Variants in SLC9A4 observed in about 807,000 individuals in gnomAD.
SLC9A4 encodes solute carrier family 9 member A4.
In SLC9A4, 63 loss-of-function variants were observed where a neutral mutation model predicts 67.4. The observed-to-expected ratio is 0.93, with a 90% CI of 0.76 to 1.15. The LOEUF is 1.15. SLC9A4 is among the 50% of genes most tolerant of loss of function. SLC9A4 has a pLI of 0.00. For synonymous variants in SLC9A4, 393 were observed against 367.2 expected (o/e 1.07, Z -0.80); for missense variants, 1,089 against 987.7 (o/e 1.10, Z -1.38).
At chr2:102,482,831 A>G (rs1684494139) in intron 2 of SLC9A4, among the ~76,000 whole-genome samples, 1 of 152,224 alleles carries the variant, frequency 6.6e-6, no homozygotes, top group African/African-American at 2.4e-5. Context: ...TAATTTTCAC[A>G]GCATATTCTT....
At chr2:102,479,745 A>G (rs1428966567) in intron 2 of SLC9A4, among the ~76,000 whole-genome samples, 1 of 152,222 alleles carries the variant, frequency 6.6e-6, no homozygotes, top group Non-Finnish European at 1.5e-5. Flanking sequence ...GATTAGGTGA[A>G]ATAAAAGATA....
At chr2:102,509,452 C>A (rs1219726365) in intron 6 of SLC9A4, among the ~76,000 whole-genome samples, 1 of 152,208 alleles carries the variant, frequency 6.6e-6, no homozygotes, top group East Asian at 1.9e-4. Context: ...AACTAAACTA[C>A]CATATTCACA....
chr2:102,502,966 G>A (rs1558665853), intron 2 of SLC9A4, among the ~76,000 whole-genome samples: 1 of 152,222 alleles, frequency 6.6e-6, no homozygotes, highest in Admixed American at 6.5e-5. Flanking sequence ...GGCAGGATCC[G>A]CTGGAGTTCC....
At position 102,505,306 on chromosome 2, in the gene SLC9A4, C is replaced by T; in HGVS notation, c.1033C>T (p.Gln345Ter). 6.2e-7 allele frequency: 1 copy of T among 1,614,180 alleles called. No individual in the cohort carries two copies. Among genetic ancestry groups the T allele is most frequent in the Admixed American group, 1.7e-5 (1 of 60,026 alleles). ...MKKYVEENVS[Q>*]TSYTTIKYFM... The stretch of plus-strand genomic sequence containing the variant: ...AAAGTACGTGGAAGAAAACGTGTCC[C>T]AGACATCATACACGACCATCAAGTA... The change falls in exon 4 of 12, where the codon CAG (glutamine) becomes TAG (stop). Residue 345 changes from glutamine (Q) to a stop codon, truncating the protein, a stop_gained. Coordinates refer to ENST00000295269, the MANE Select transcript of SLC9A4 (RefSeq NM_001011552.4). LOFTEE classifies it high-confidence loss of function.
rs142475556 is a variant in SLC9A4 at position 102,519,949 on chromosome 2, G to C, written c.1812G>C (p.Arg604=). The change falls in exon 9 of 12, where the codon CGG becomes CGC. Residue 604 remains arginine, a synonymous_variant. Coordinates refer to ENST00000295269, the MANE Select transcript of SLC9A4 (RefSeq NM_001011552.4). ...TGACATCCAACATGTACCAAGTTCG[G>C]CAAAGGGTGTGTATGAGCCACCTGT... is the stretch of plus-strand genomic sequence containing the variant. The part of the protein sequence containing the change: ...DILTSNMYQV[R]QRTLSYNKYN... 1.6e-4 allele frequency: 257 copies of C among 1,613,368 alleles called. 1 individual carries two copies. In the African/African-American group the frequency reaches 2.9e-3, roughly 18 times the overall value.
intron 11 of SLC9A4, among the ~76,000 whole-genome samples, chr2:102,528,019 AT>A (rs1367416068): frequency 6.6e-6 from 1 of 151,564 alleles, no homozygotes; most frequent in Non-Finnish European, 1.5e-5. Flanking sequence ...CGATTTTTTT[AT>A]TTTTTTGAGA....
intron 2 of SLC9A4, among the ~76,000 whole-genome samples, chr2:102,501,368 A>G (rs6543157): frequency 0.71 from 107,359 of 151,646 alleles, 38,719 homozygotes; most frequent in Middle Eastern, 0.77. Flanking sequence ...CAATCTGCCC[A>G]CCTCGGCCTC....
At chr2:102,481,790 T>G (rs1209283867) in intron 2 of SLC9A4, among the ~76,000 whole-genome samples, 1 of 152,216 alleles carries the variant, frequency 6.6e-6, no homozygotes, top group Non-Finnish European at 1.5e-5. Flanking sequence ...GCTCCTGGGT[T>G]TCATATTTTG....
At chr2:102,488,904 G>A (rs1043740365) in intron 2 of SLC9A4, among the ~76,000 whole-genome samples, 2 of 152,062 alleles carry the variant, frequency 1.3e-5, no homozygotes, top group African/African-American at 4.8e-5. Flanking sequence ...TGGAGCCAGA[G>A]GTCCCCTGAG....
At chr2:102,478,766 G>C (rs1377939267) in intron 1 of SLC9A4, 73 bp from the exon 2 acceptor site, 1 of 1,457,368 alleles carries the variant, frequency 6.9e-7, no homozygotes, top group Non-Finnish European at 9.3e-7. Context: ...CTGTCTGCTT[G>C]ACTTTAAAAG....
intron 7 of SLC9A4, among the ~76,000 whole-genome samples, chr2:102,512,961 G>A (rs1685195662): frequency 9.7e-6 from 1 of 103,076 alleles, no homozygotes; most frequent in Admixed American, 1.0e-4. Flanking sequence ...GCACGAGCGA[G>A]TCAGGGTGTG....
chr2:102,486,444 G>A (rs1007232165), intron 2 of SLC9A4, among the ~76,000 whole-genome samples: 9 of 152,188 alleles, frequency 5.9e-5, no homozygotes, highest in East Asian at 1.9e-4. Context: ...CTATCTGAAC[G>A]TTGCAGTCTC....
chr2:102,483,841 T>TATATATATACAC (rs370126753), intron 2 of SLC9A4, among the ~76,000 whole-genome samples: 41 of 126,750 alleles, frequency 3.2e-4, no homozygotes, highest in African/African-American at 1.0e-3. Flanking sequence ...TATATATATA[T>TATATATATACAC]ACACACACAC....
intron 9 of SLC9A4, among the ~76,000 whole-genome samples, chr2:102,523,988 C>A (rs1180335554): frequency 1.3e-5 from 2 of 152,210 alleles, no homozygotes; most frequent in Non-Finnish European, 2.9e-5. Context: ...CCCCGATGAT[C>A]CCAGAATCTT....
chr2:102,482,143 G>A (rs914239257), intron 2 of SLC9A4, among the ~76,000 whole-genome samples: 7 of 152,186 alleles, frequency 4.6e-5, no homozygotes, highest in Admixed American at 1.3e-4. Flanking sequence ...GCTGCCCGGG[G>A]AGTCTGGACT....
At chr2:102,506,297 T>C (rs1217782926) in intron 4 of SLC9A4, among the ~76,000 whole-genome samples, 1 of 152,228 alleles carries the variant, frequency 6.6e-6, no homozygotes, top group Non-Finnish European at 1.5e-5. Context: ...ACTTGACTAA[T>C]ATTTGAAGCG....
chr2:102,522,724 G>A (rs1454082346), intron 9 of SLC9A4, among the ~76,000 whole-genome samples: 1 of 152,146 alleles, frequency 6.6e-6, no homozygotes, highest in Non-Finnish European at 1.5e-5. Flanking sequence ...TTTCACGACA[G>A]TGTCATGTTA....
intron 2 of SLC9A4, among the ~76,000 whole-genome samples, chr2:102,480,038 T>C (rs760425927): frequency 1.3e-5 from 2 of 152,262 alleles, no homozygotes; most frequent in Non-Finnish European, 2.9e-5. Flanking sequence ...AAGACTTTTA[T>C]ACATACTTTC....
chr2:102,480,466 T>A (rs1481653983), intron 2 of SLC9A4, among the ~76,000 whole-genome samples: 1 of 152,120 alleles, frequency 6.6e-6, no homozygotes, highest in East Asian at 1.9e-4. Context: ...CCTCTTTCTA[T>A]GTGTTTTCAG....
Sources: gnomAD v4.1 joint callset for allele counts (sites outside exome capture counted in the v4.1 genomes callset) on GRCh38, gnomAD v4.1.1 for gene constraint, MANE v1.5 for transcripts, NCBI Gene and HGNC (gene_info 2026-07-23, HGNC 2026-07-21) for gene names.